Variants in ALPK1 observed in about 807,000 individuals in gnomAD.
The protein encoded by ALPK1 is alpha kinase 1.
A neutral mutation model predicts 120.6 loss-of-function variants in ALPK1; 110 were observed. That is an observed-to-expected ratio of 0.91 (90% CI 0.78 to 1.07). ALPK1 has a LOEUF of 1.07. ALPK1 is among the 50% of genes least tolerant of loss of function. The pLI is 0.00. For synonymous variants in ALPK1, 582 were observed against 560.3 expected (o/e 1.04, Z -0.55); for missense variants, 1,498 against 1,483.9 (o/e 1.01, Z -0.16).
intron 2 of ALPK1, among the ~76,000 whole-genome samples, chr4:112,349,421 G>A (rs184293060): frequency 1.3e-5 from 2 of 152,188 alleles, no homozygotes; most frequent in East Asian, 3.9e-4. Flanking sequence ...AAACTTTATT[G>A]ATAGCAATAA....
chr4:112,349,554 C>CCCA (rs1553939362), intron 2 of ALPK1, among the ~76,000 whole-genome samples: 52 of 141,656 alleles, frequency 3.7e-4, no homozygotes, highest in African/African-American at 1.4e-3. Context: ...AACCCCTGCC[C>CCCA]CCCCCCGCTT....
Position 112,432,561 on chromosome 4 carries a change from G to A in ALPK1, c.3014G>A (p.Ser1005Asn). ...GAGAATACGGGGGTTTTTAAGCCCA[G>A]TCAACTCCACCGAGCACATAGTAAG... Reference protein sequence around the residue: ...RLENTGVFKPSQLHRAHSALL... With the variant: ...RLENTGVFKPNQLHRAHSALL... The change falls in exon 11 of 16, where the codon AGT becomes AAT. Residue 1005 changes from serine (S) to asparagine (N), a missense_variant. Physicochemically the swap from Ser to Asn is conservative, Grantham distance 46. Coordinates refer to ENST00000650871, the MANE Select transcript of ALPK1 (RefSeq NM_025144.4). 1.2e-6 allele frequency: 2 copies of A among 1,613,186 alleles called. No individual in the cohort carries two copies. The highest frequency in any genetic ancestry group is 8.5e-7 in the Non-Finnish European group (1 of 1,179,948).
chr4:112,300,039 A>T (rs1727717443), intron 1 of ALPK1, among the ~76,000 whole-genome samples: 1 of 152,198 alleles, frequency 6.6e-6, no homozygotes, highest in South Asian at 2.1e-4. Context: ...AGGGGGAAAT[A>T]ATTCTAGACA....
chr4:112,424,789 G>A (rs1377863112), intron 6 of ALPK1, among the ~76,000 whole-genome samples: 6 of 152,012 alleles, frequency 3.9e-5, no homozygotes, highest in Admixed American at 6.5e-5. Flanking sequence ...ACACACGCAC[G>A]CACACAAGGA....
chr4:112,377,953 C>T (rs1343059329), intron 3 of ALPK1, 55 bp downstream of exon 3: 1 of 1,534,250 alleles, frequency 6.5e-7, no homozygotes, highest in African/African-American at 1.4e-5. Flanking sequence ...CTCTCCTGTC[C>T]CCTGCCTGAA....
intron 2 of ALPK1, among the ~76,000 whole-genome samples, chr4:112,361,418 C>T (rs962480618): frequency 1.3e-5 from 2 of 152,160 alleles, no homozygotes; most frequent in African/African-American, 2.4e-5. Context: ...GCCAGGAAGC[C>T]GGGTGAGGCC....
chr4:112,352,704 A>T (rs965093280), intron 2 of ALPK1: 14 of 152,194 alleles, frequency 9.2e-5, no homozygotes, highest in Non-Finnish European at 1.6e-4. Flanking sequence ...CAAAAGGCCA[A>T]CTGTATATTT....
At chr4:112,337,802 G>A (rs1448804788) in intron 2 of ALPK1, among the ~76,000 whole-genome samples, 1 of 152,044 alleles carries the variant, frequency 6.6e-6, no homozygotes, top group East Asian at 1.9e-4. Context: ...ATGAGTTGTG[G>A]TCAAATAATT....
At chr4:112,302,094 G>T (rs1316231162) in intron 1 of ALPK1, among the ~76,000 whole-genome samples, 1 of 152,052 alleles carries the variant, frequency 6.6e-6, no homozygotes, top group African/African-American at 2.4e-5. Context: ...CTAAAAAACA[G>T]CCCTCTTTCT....
At chr4:112,334,163 T>G (rs1729511387) in intron 2 of ALPK1, among the ~76,000 whole-genome samples, 1 of 152,134 alleles carries the variant, frequency 6.6e-6, no homozygotes, top group South Asian at 2.1e-4. Flanking sequence ...CCAGGCTCAG[T>G]GGCTCACGCC....
At chr4:112,423,557 A>G (rs1734094532) in intron 5 of ALPK1, among the ~76,000 whole-genome samples, 1 of 152,224 alleles carries the variant, frequency 6.6e-6, no homozygotes, top group South Asian at 2.1e-4. Context: ...AATTCCTGCC[A>G]GATAATTCCA....
intron 6 of ALPK1, among the ~76,000 whole-genome samples, chr4:112,424,622 A>G (rs1475707328): frequency 1.3e-5 from 2 of 152,224 alleles, no homozygotes; most frequent in African/African-American, 4.8e-5. Flanking sequence ...TTTTAAACTC[A>G]GCATGCTTGG....
At chr4:112,439,254 T>C (rs1734921214) in intron 13 of ALPK1, among the ~76,000 whole-genome samples, 1 of 152,186 alleles carries the variant, frequency 6.6e-6, no homozygotes, top group African/African-American at 2.4e-5. Context: ...ATCCATTTCA[T>C]ACCTTCTTTA....
rs1163751814 is a variant in ALPK1 at position 112,338,960 on chromosome 4, C to T, written c.-101+23108C>T. Among the ~76,000 whole-genome samples, 7 of 152,294 alleles carry T rather than the reference C, an allele frequency of 4.6e-5. No homozygotes were observed. In the East Asian group the frequency reaches 5.8e-4, roughly 13 times the overall value. On this transcript the variant is annotated intron_variant, in intron 2 of 15. Coordinates refer to ENST00000650871, the MANE Select transcript of ALPK1 (RefSeq NM_025144.4). Reference sequence around the variant, plus strand: ...TTAACACCAAACTCAGAGTTCCTTCCACTGTGCTGTAAAGCCTCTCTAGCA... The same window carrying T: ...TTAACACCAAACTCAGAGTTCCTTCTACTGTGCTGTAAAGCCTCTCTAGCA...
intron 2 of ALPK1, among the ~76,000 whole-genome samples, chr4:112,348,385 G>A (rs1730187424): frequency 6.6e-6 from 1 of 152,260 alleles, no homozygotes; most frequent in Non-Finnish European, 1.5e-5. Context: ...AAGCCATGAG[G>A]TGCTTAGGCG....
chr4:112,382,591 A>C (rs764703918), intron 4 of ALPK1, 39 bp downstream of exon 4: 1 of 1,613,950 alleles, frequency 6.2e-7, no homozygotes, highest in Non-Finnish European at 8.5e-7. Flanking sequence ...TGATATCCCC[A>C]AGTGAGGCAT....
chr4:112,297,739 A>G (rs1423147516), intron 1 of ALPK1, among the ~76,000 whole-genome samples: 3 of 152,116 alleles, frequency 2.0e-5, no homozygotes, highest in African/African-American at 7.2e-5. Flanking sequence ...GAAGGGGAGA[A>G]GGCAAACCAG....
intron 4 of ALPK1, among the ~76,000 whole-genome samples, chr4:112,398,172 G>A (rs537721697): frequency 6.6e-6 from 1 of 152,320 alleles, no homozygotes; most frequent in Non-Finnish European, 1.5e-5. Flanking sequence ...CTTGTTGGAG[G>A]ATGAGCAAAG....
chr4:112,382,296 T>A, intron 3 of ALPK1, 102 bp from the exon 4 acceptor site: 1 of 868,686 alleles, frequency 1.2e-6, no homozygotes, highest in Non-Finnish European at 1.5e-6. Flanking sequence ...TCTCTTTTTT[T>A]TTTTTTTTTT....
Sources: allele counts gnomAD v4.1 joint callset (sites outside exome capture counted in the v4.1 genomes callset), GRCh38; gene constraint gnomAD v4.1.1; transcripts MANE v1.5; gene names NCBI Gene and HGNC (gene_info 2026-07-23, HGNC 2026-07-21).